The following NBAS variants were observed in gnomAD, a reference collection of about 807,000 sequenced individuals.
NBAS encodes the protein NBAS subunit of NRZ tethering complex.
A neutral mutation model predicts 302.5 loss-of-function variants in NBAS; 219 were observed. The observed-to-expected ratio is 0.72, with a 90% CI of 0.65 to 0.81. NBAS has a LOEUF of 0.81. Ranked by LOEUF, NBAS falls within the 30% of genes least tolerant of loss-of-function variation. NBAS has a pLI of 0.00. For missense variants in NBAS, 2,932 were observed against 2,841.6 expected (o/e 1.03, Z -0.72); for synonymous variants, 1,118 against 1,021.6 (o/e 1.09, Z -1.80).
intron 27 of NBAS, 108 bp from the exon 28 acceptor site, chr2:15,394,457 T>G (rs1410724630): frequency 8.6e-7 from 1 of 1,160,972 alleles, no homozygotes; most frequent in Non-Finnish European, 1.2e-6. Flanking sequence ...AAAAAAATTA[T>G]CCCATAGTGT....
chr2:15,234,880 T>G, intron 45 of NBAS, 133 bp from the exon 46 acceptor site: 1 of 915,992 alleles, frequency 1.1e-6, no homozygotes, highest in Non-Finnish European at 1.7e-6. Flanking sequence ...AGGGCATGTA[T>G]TAGTTAGTTA....
the NBAS span, among the ~76,000 whole-genome samples, chr2:14,918,682 GC>G: frequency 6.6e-6 from 1 of 152,224 alleles, no homozygotes; most frequent in South Asian, 2.1e-4. Flanking sequence ...GTAGTAGGAA[GC>G]CCCTGAAAAG....
intron 16 of NBAS, among the ~76,000 whole-genome samples, chr2:15,470,723 T>C (rs903883942): frequency 1.7e-4 from 26 of 152,182 alleles, no homozygotes; most frequent in African/African-American, 6.3e-4. Context: ...CTATCTTCAC[T>C]GGGTTTCTAG....
intron 10 of NBAS, among the ~76,000 whole-genome samples, chr2:15,508,368 G>GA (rs1476571311): frequency 1.3e-5 from 2 of 152,128 alleles, no homozygotes; most frequent in Admixed American, 6.5e-5. Flanking sequence ...AAACTAAGGT[G>GA]AAAAAAGGTT....
At chr2:15,094,293 T>C in the NBAS span, among the ~76,000 whole-genome samples, 3 of 152,190 alleles carry the variant, frequency 2.0e-5, no homozygotes, top group Non-Finnish European at 4.4e-5. Context: ...ATCTGCCTCA[T>C]AATGAGAAGT....
intron 44 of NBAS, among the ~76,000 whole-genome samples, chr2:15,242,844 A>G (rs1667926547): frequency 6.6e-6 from 1 of 152,166 alleles, no homozygotes. Flanking sequence ...TGAAATAAAG[A>G]TAAGTGGCTA....
At chr2:14,972,114 G>A in the NBAS span, among the ~76,000 whole-genome samples, 3 of 152,084 alleles carry the variant, frequency 2.0e-5, no homozygotes, top group African/African-American at 2.4e-5. Context: ...GGAATACTAC[G>A]CAGCCATAAA....
the NBAS span, among the ~76,000 whole-genome samples, chr2:15,145,659 C>T: frequency 3.3e-5 from 5 of 152,170 alleles, no homozygotes; most frequent in South Asian, 1.0e-3. Flanking sequence ...CTCCTGCCCT[C>T]TTACTGCAGC....
the NBAS span, among the ~76,000 whole-genome samples, chr2:14,891,763 A>G: frequency 6.6e-6 from 1 of 152,216 alleles, no homozygotes; most frequent in Non-Finnish European, 1.5e-5. Context: ...TCCAGAATCC[A>G]GTTCTCATGG....
rs550387126 is a variant in NBAS, at chr2:15,419,966, C to G, written c.2578-2254G>C. 1.4e-4 allele frequency among the ~76,000 whole-genome samples: 22 copies of G among 152,246 alleles called. No individual in the cohort carries two copies. The South Asian group carries it at 4.4e-3, about 30-fold the overall frequency. ...TGACCTCATGATTCGCCTGCCTCAG[C>G]CTCCCAAAGTGCTAGGATTACAGGC... On this transcript the variant is annotated intron_variant, in intron 23 of 51. Transcript: ENST00000281513.
At chr2:15,554,008 G>A in intron 4 of NBAS, 53 bp downstream of exon 4, 1 of 1,478,714 alleles carries the variant, frequency 6.8e-7, no homozygotes, top group Non-Finnish European at 9.4e-7. Flanking sequence ...CGTCCATAAT[G>A]AAATGTAAAA....
chr2:15,480,377 G>GA lies in NBAS; in HGVS notation c.1084-2089dup, dbSNP rs112925094. On this transcript the variant is annotated intron_variant, in intron 12 of 51. Transcript: ENST00000281513. ...AAATAAATAAATGCTGAGACAAAAGGAAAAAAAAAAAACCGATATTGCAGT... is the reference window on the plus strand; with the variant it reads ...AAATAAATAAATGCTGAGACAAAAGGAAAAAAAAAAAAACCGATATTGCAGT... Among the ~76,000 whole-genome samples the GA allele has an allele frequency of 7.9e-3, 1,073 of 135,190 alleles. 10 individuals are homozygous for GA. Among genetic ancestry groups the GA allele is most frequent in the African/African-American group, 0.023 (859 of 37,332 alleles). The allele number at this position is 135,190 out of a possible 152,430, so 88.7% of individuals were successfully genotyped here. A position where few individuals can be genotyped will look rare whatever the true frequency, so the allele number is the denominator to read the frequency against.
chr2:14,931,260 G>C, the NBAS span, among the ~76,000 whole-genome samples: 1 of 152,204 alleles, frequency 6.6e-6, no homozygotes, highest in Non-Finnish European at 1.5e-5. Context: ...CTATGACCTT[G>C]AATAATTTAT....
intron 34 of NBAS, 52 bp downstream of exon 34, chr2:15,353,501 C>T (rs1199500394): frequency 6.2e-7 from 1 of 1,606,684 alleles, no homozygotes; most frequent in African/African-American, 1.3e-5. Flanking sequence ...ATACACACAC[C>T]CAACAACATG....
chr2:15,010,315 G>A, the NBAS span, among the ~76,000 whole-genome samples: 1 of 152,076 alleles, frequency 6.6e-6, no homozygotes, highest in Admixed American at 6.6e-5. Context: ...AAATTAATAT[G>A]AAGAATAAAA....
chr2:14,884,293 C>T, the NBAS span, among the ~76,000 whole-genome samples: 1 of 152,158 alleles, frequency 6.6e-6, no homozygotes, highest in South Asian at 2.1e-4. Context: ...GAAACCGGCA[C>T]CAGCATCTGA....
the NBAS span, among the ~76,000 whole-genome samples, chr2:15,160,207 G>A: frequency 1.3e-5 from 2 of 152,126 alleles, no homozygotes; most frequent in African/African-American, 4.8e-5. Flanking sequence ...GGAGAGACGA[G>A]AGGTAAGGAG....
At chr2:14,941,276 A>G in the NBAS span, among the ~76,000 whole-genome samples, 1 of 152,204 alleles carries the variant, frequency 6.6e-6, no homozygotes, top group South Asian at 2.1e-4. Context: ...TTATATGACT[A>G]TCTCTGTAGG....
intron 16 of NBAS, among the ~76,000 whole-genome samples, chr2:15,471,098 C>T (rs1336480192): frequency 3.3e-5 from 5 of 152,136 alleles, no homozygotes; most frequent in Admixed American, 3.3e-4. Context: ...ATTCCCCTCC[C>T]CAAAAAAGTA....
Sources: gnomAD v4.1 joint callset for allele counts (sites outside exome capture counted in the v4.1 genomes callset) on GRCh38, gnomAD v4.1.1 for gene constraint, MANE v1.5 for transcripts, NCBI Gene and HGNC (gene_info 2026-07-23, HGNC 2026-07-21) for gene names.